The following PPP1R1C variants were observed in gnomAD, a reference collection of about 807,000 sequenced individuals.
The protein encoded by PPP1R1C is protein phosphatase 1 regulatory subunit 1C.
Under a neutral mutation model 17.4 loss-of-function variants are expected in PPP1R1C, and 15 were observed. The observed-to-expected ratio is 0.86, with a 90% CI of 0.58 to 1.33. PPP1R1C has a LOEUF of 1.33. PPP1R1C is among the 40% of genes most tolerant of loss of function. The pLI is 0.00. For missense variants in PPP1R1C, 143 were observed against 130.0 expected (o/e 1.10, Z -0.48); for synonymous variants, 35 against 43.1 (o/e 0.81, Z 0.73).
chr2:182,079,558 T>G (rs1179825128), intron 4 of PPP1R1C, among the ~76,000 whole-genome samples: 1 of 152,228 alleles, frequency 6.6e-6, no homozygotes. Flanking sequence ...GTGGGTTGGA[T>G]GCCTCATCTG....
intron 2 of PPP1R1C, among the ~76,000 whole-genome samples, chr2:182,052,646 C>T (rs1348823583): frequency 1.3e-5 from 2 of 152,176 alleles, no homozygotes; most frequent in African/African-American, 4.8e-5. Context: ...GAGGCCATCA[C>T]CCCAACACAG....
intron 4 of PPP1R1C, among the ~76,000 whole-genome samples, chr2:182,076,343 C>T (rs549166576): frequency 3.4e-5 from 5 of 147,784 alleles, no homozygotes; most frequent in African/African-American, 7.5e-5. Flanking sequence ...TACAGGTGCC[C>T]GCTACCACGC....
At chr2:182,061,552 G>A (rs560667509) in intron 3 of PPP1R1C, 73 bp downstream of exon 3, 2 of 863,560 alleles carry the variant, frequency 2.3e-6, no homozygotes, top group East Asian at 3.2e-5. Flanking sequence ...TTGATTTGAT[G>A]TGATATAAAT....
At chr2:182,121,228 A>G (rs760292718), downstream of PPP1R1C, among the ~76,000 whole-genome samples, 2 of 152,172 alleles carry the variant, frequency 1.3e-5, no homozygotes, top group Non-Finnish European at 2.9e-5. Flanking sequence ...TCCAGGCTCT[A>G]CCAGATTTCA....
intron 2 of PPP1R1C, among the ~76,000 whole-genome samples, chr2:182,049,400 T>C (rs1687442731): frequency 6.6e-6 from 1 of 151,940 alleles, no homozygotes; most frequent in Admixed American, 6.6e-5. Context: ...TTTTCTCCGT[T>C]GCTACTTCTC....
chr2:182,053,568 T>C (rs2204831), intron 2 of PPP1R1C, among the ~76,000 whole-genome samples: 6,496 of 152,174 alleles, frequency 0.043, 418 homozygotes, highest in Admixed American at 0.18. Flanking sequence ...TCATTACCCT[T>C]AAGATTTCTC....
chr2:182,026,696 CT>C (rs1686624744), intron 2 of PPP1R1C, among the ~76,000 whole-genome samples: 1 of 152,092 alleles, frequency 6.6e-6, no homozygotes, highest in South Asian at 2.1e-4. Context: ...AATGCGGGCT[CT>C]TTTTTGGCTC....
At chr2:181,991,965 TATAGATA>T (rs1226127076) in intron 2 of PPP1R1C, among the ~76,000 whole-genome samples, 1 of 152,218 alleles carries the variant, frequency 6.6e-6, no homozygotes, top group African/African-American at 2.4e-5. Context: ...CCATCACATC[TATAGATA>T]TTTTAAGTCT....
At chr2:182,021,878 G>C (rs1686439407) in intron 2 of PPP1R1C, among the ~76,000 whole-genome samples, 1 of 152,128 alleles carries the variant, frequency 6.6e-6, no homozygotes, top group Non-Finnish European at 1.5e-5. Flanking sequence ...TTAGACATTA[G>C]AGCTAATCAC....
intron 2 of PPP1R1C, among the ~76,000 whole-genome samples, chr2:182,023,642 C>A (rs1686500835): frequency 6.6e-6 from 1 of 151,842 alleles, no homozygotes; most frequent in Non-Finnish European, 1.5e-5. Context: ...TTTTTTAAGA[C>A]AGGATTTTCC....
chr2:182,016,276 A>G (rs1183742509), intron 2 of PPP1R1C, among the ~76,000 whole-genome samples: 2 of 152,198 alleles, frequency 1.3e-5, no homozygotes, highest in Non-Finnish European at 2.9e-5. Flanking sequence ...GCAATTCAGG[A>G]CTGTCTTTTC....
chr2:182,120,036 T>G (rs1251949467), downstream of PPP1R1C, among the ~76,000 whole-genome samples: 1 of 152,206 alleles, frequency 6.6e-6, no homozygotes, highest in African/African-American at 2.4e-5. Flanking sequence ...TTTTATGGTT[T>G]TAGGTCTAAC....
chr2:182,016,729 A>G (rs892768256), intron 2 of PPP1R1C, among the ~76,000 whole-genome samples: 1 of 152,204 alleles, frequency 6.6e-6, no homozygotes, highest in Non-Finnish European at 1.5e-5. Context: ...CAGCTTCTAT[A>G]AAACATAGGA....
chr2:182,003,687 ATGTGTG>A (rs113337793), intron 2 of PPP1R1C, among the ~76,000 whole-genome samples: 1 of 149,616 alleles, frequency 6.7e-6, no homozygotes, highest in East Asian at 2.0e-4. Context: ...TTTTTGCTGG[ATGTGTG>A]TGTGTGTGTG....
At chr2:182,127,154 C>T (rs1694246821) in intron 5 of PPP1R1C, among the ~76,000 whole-genome samples, 1 of 151,950 alleles carries the variant, frequency 6.6e-6, no homozygotes, top group African/African-American at 2.4e-5. Context: ...AGACAGTTAC[C>T]AGAAGTCCAG....
At chr2:182,066,821 C>A (rs1687995030) in intron 4 of PPP1R1C, among the ~76,000 whole-genome samples, 1 of 152,054 alleles carries the variant, frequency 6.6e-6, no homozygotes, top group Non-Finnish European at 1.5e-5. Context: ...ATATGGTGGT[C>A]AGCCCTGTAA....
At chr2:182,044,463 CTGA>C (rs1181381411) in intron 2 of PPP1R1C, among the ~76,000 whole-genome samples, 1 of 152,306 alleles carries the variant, frequency 6.6e-6, no homozygotes, top group Middle Eastern at 3.4e-3. Context: ...GCTGTTTCAT[CTGA>C]TGAAAATCTT....
At chr2:182,039,807 C>A (rs1269332786) in intron 2 of PPP1R1C, among the ~76,000 whole-genome samples, 1 of 152,158 alleles carries the variant, frequency 6.6e-6, no homozygotes, top group Middle Eastern at 3.2e-3. Flanking sequence ...ACCCCCCTCA[C>A]CCTCTCCCAA....
intron 2 of PPP1R1C, among the ~76,000 whole-genome samples, chr2:182,001,270 C>T (rs1363282304): frequency 2.0e-5 from 3 of 152,134 alleles, no homozygotes; most frequent in African/African-American, 4.8e-5. Flanking sequence ...TAATTAGTGA[C>T]TGCAGATGCA....
Sources: gnomAD v4.1 joint callset for allele counts (sites outside exome capture counted in the v4.1 genomes callset) on GRCh38, gnomAD v4.1.1 for gene constraint, MANE v1.5 for transcripts, NCBI Gene and HGNC (gene_info 2026-07-23, HGNC 2026-07-21) for gene names.